Variants in LHFPL3 observed in about 807,000 individuals in gnomAD.
LHFPL3 encodes LHFPL tetraspan subfamily member 3.
LHFPL3 carries 5 observed loss-of-function variants against 19.3 expected under a neutral mutation model. The observed-to-expected ratio is 0.26, with a 90% CI of 0.14 to 0.54. The LOEUF is 0.54. Among genes scored for constraint, LHFPL3 ranks in the 20% least tolerant of loss-of-function variants. LHFPL3 has a pLI of 0.94. For synonymous variants in LHFPL3, 133 were observed against 126.2 expected, an observed-to-expected ratio of 1.05 and a Z score of -0.36; for missense variants, 249 against 307.4, an observed-to-expected ratio of 0.81 and a Z score of 1.42.
At chr7:104,561,294 T>G (rs10270235) in intron 1 of LHFPL3, among the ~76,000 whole-genome samples, 16,059 of 141,368 alleles carry the variant, frequency 0.11, 2,116 homozygotes, top group African/African-American at 0.32. Context: ...TTAAAGTCTC[T>G]CATTATTAAT....
chr7:104,360,525 T>G (rs1790371062), intron 1 of LHFPL3, among the ~76,000 whole-genome samples: 1 of 151,920 alleles, frequency 6.6e-6, no homozygotes, highest in South Asian at 2.1e-4. Context: ...AAACTGGACT[T>G]GAAGAGGAGC....
At chr7:104,829,430 T>G (rs940592562) in intron 2 of LHFPL3, among the ~76,000 whole-genome samples, 2 of 151,752 alleles carry the variant, frequency 1.3e-5, no homozygotes, top group African/African-American at 2.4e-5. Flanking sequence ...GCTGCACCCA[T>G]TAACTTGTCA....
At chr7:104,722,390 C>G (rs1793505449) in intron 1 of LHFPL3, among the ~76,000 whole-genome samples, 1 of 152,138 alleles carries the variant, frequency 6.6e-6, no homozygotes, top group Non-Finnish European at 1.5e-5. Context: ...TTTATATTTT[C>G]TTTTCTCCTC....
intron 1 of LHFPL3, among the ~76,000 whole-genome samples, chr7:104,417,686 G>C (rs115237633): frequency 6.6e-6 from 1 of 151,836 alleles, no homozygotes; most frequent in African/African-American, 2.4e-5. Flanking sequence ...TGGGTTTTTT[G>C]AATATTTTTC....
At chr7:104,832,753 G>T (rs906162679) in intron 2 of LHFPL3, among the ~76,000 whole-genome samples, 8 of 149,022 alleles carry the variant, frequency 5.4e-5, no homozygotes, top group African/African-American at 2.0e-4. Flanking sequence ...GAGGCAGGTG[G>T]ATCACTTGAG....
chr7:104,731,709 C>G (rs1448268315), intron 1 of LHFPL3, among the ~76,000 whole-genome samples: 2 of 151,558 alleles, frequency 1.3e-5, no homozygotes, highest in African/African-American at 4.9e-5. Context: ...ATTGAATACC[C>G]TTTATTTCTT....
At chr7:104,608,206 T>C (rs991533742) in intron 1 of LHFPL3, among the ~76,000 whole-genome samples, 6 of 152,020 alleles carry the variant, frequency 3.9e-5, no homozygotes, top group East Asian at 1.9e-4. Flanking sequence ...CGTATGTTTA[T>C]TGCAGCACTA....
In LHFPL3 at chr7:104,537,865, G is replaced by A. The variant is rs184046876; in HGVS notation, c.446-198810G>A. 1.0e-3 allele frequency among the ~76,000 whole-genome samples: 154 copies of A among 152,260 alleles called. 3 individuals are homozygous for A. Among genetic ancestry groups the A allele is most frequent in the Non-Finnish European group, 5.9e-5 (4 of 68,024 alleles). ...TAAAATAACTTATATACAGTCCTGCGCATAAAGAAATGATTACTTTCCATC... is the reference window on the plus strand; with the variant it reads ...TAAAATAACTTATATACAGTCCTGCACATAAAGAAATGATTACTTTCCATC... On this transcript the variant is annotated intron_variant, in intron 1 of 2. Transcript: ENST00000424859.
chr7:104,639,092 T>C (rs1179748907), intron 1 of LHFPL3, among the ~76,000 whole-genome samples: 3 of 151,934 alleles, frequency 2.0e-5, no homozygotes, highest in Non-Finnish European at 4.4e-5. Flanking sequence ...CTGGATTTGG[T>C]TTGCAGGAAT....
chr7:104,434,923 C>G (rs559225452), intron 1 of LHFPL3, among the ~76,000 whole-genome samples: 1 of 152,004 alleles, frequency 6.6e-6, no homozygotes, highest in Admixed American at 6.6e-5. Context: ...TTTTATTAGG[C>G]ATTTGCTTAC....
intron 2 of LHFPL3, among the ~76,000 whole-genome samples, chr7:104,745,242 G>A (rs1794018256): frequency 6.6e-6 from 1 of 152,156 alleles, no homozygotes; most frequent in South Asian, 2.1e-4. Flanking sequence ...TACAGAAGCT[G>A]CCCCTTCCTC....
In LHFPL3 at chr7:104,360,202, A is replaced by C. The variant is rs570921045; in HGVS notation, c.445+30978A>C. Among the ~76,000 whole-genome samples, 8 of 152,336 alleles carry C rather than the reference A, an allele frequency of 5.3e-5. 1 individual carries two copies. In the South Asian group the frequency reaches 1.7e-3, roughly 32 times the overall value. ...GCCACGCAGTAGGAAGATCTGGGCA[A>C]TGGCAAGTAATTCACTTGAAGAGCT... On this transcript the variant is annotated intron_variant, in intron 1 of 2. Transcript: ENST00000424859.
At chr7:104,831,920 T>C (rs1790960234) in intron 2 of LHFPL3, among the ~76,000 whole-genome samples, 1 of 151,972 alleles carries the variant, frequency 6.6e-6, no homozygotes, top group Admixed American at 6.6e-5. Context: ...CCCCAATGTC[T>C]TAACAATGGA....
chr7:104,873,758 T>G (rs1048475987), intron 2 of LHFPL3, among the ~76,000 whole-genome samples: 1 of 152,244 alleles, frequency 6.6e-6, no homozygotes, highest in East Asian at 1.9e-4. Flanking sequence ...CAATGGGATT[T>G]TGGGTACTAA....
At chr7:104,491,400 T>C (rs73407612) in intron 1 of LHFPL3, among the ~76,000 whole-genome samples, 9,837 of 151,968 alleles carry the variant, frequency 0.065, 836 homozygotes, top group African/African-American at 0.2. Flanking sequence ...TATTCCTTTC[T>C]AGGTGTCTTT....
chr7:104,536,984 G>T (rs1156316236), intron 1 of LHFPL3, among the ~76,000 whole-genome samples: 2 of 152,128 alleles, frequency 1.3e-5, no homozygotes, highest in Admixed American at 1.3e-4. Flanking sequence ...TTCTACCTCG[G>T]ATTAACCTTT....
At chr7:104,457,123 TTTATTA>T (rs1243175650) in intron 1 of LHFPL3, among the ~76,000 whole-genome samples, 1 of 152,096 alleles carries the variant, frequency 6.6e-6, no homozygotes, top group African/African-American at 2.4e-5. Context: ...ACATTTTTAT[TTTATTA>T]TTATTATACT....
At chr7:104,430,388 A>ATACATACATG (rs1554393128) in intron 1 of LHFPL3, among the ~76,000 whole-genome samples, 1 of 50,054 alleles carries the variant, frequency 2.0e-5, no homozygotes, top group Non-Finnish European at 3.5e-5. Flanking sequence ...ATATACATAT[A>ATACATACATG]TATATATATA....
chr7:104,862,802 C>G (rs1791641027), intron 2 of LHFPL3, among the ~76,000 whole-genome samples: 1 of 152,152 alleles, frequency 6.6e-6, no homozygotes, highest in Non-Finnish European at 1.5e-5. Flanking sequence ...TAAGCAGAGC[C>G]TGATAAGTAA....
Sources: allele counts gnomAD v4.1 joint callset (sites outside exome capture counted in the v4.1 genomes callset), GRCh38; gene constraint gnomAD v4.1.1; transcripts MANE v1.5; gene names NCBI Gene and HGNC (gene_info 2026-07-23, HGNC 2026-07-21).